HTRA3: variants seen among roughly 807,000 people sequenced by gnomAD.
The protein encoded by HTRA3 is serine protease HTRA3.
A neutral mutation model predicts 43.2 loss-of-function variants in HTRA3; 41 were observed. That is an observed-to-expected ratio of 0.95 (90% confidence interval 0.74 to 1.23). The LOEUF (loss-of-function observed/expected upper bound fraction) is 1.23, where lower values mean the gene tolerates loss of function less well. HTRA3 is among the 50% of genes most tolerant of loss of function. The probability of loss-of-function intolerance (pLI) is 0.00; values close to 1 mark genes in which losing one functional copy is unlikely to be tolerated. For synonymous variants in HTRA3, 295 were observed against 287.9 expected (o/e 1.02, Z -0.25); for missense variants, 628 against 647.1 (o/e 0.97, Z 0.32).
At position 8,286,890 on chromosome 4, in the gene HTRA3, G is replaced by T. The variant is rs77644990; in HGVS notation, c.708+107G>T. 2.4e-6 allele frequency: 2 copies of T among 821,422 alleles called. No individual in the cohort carries two copies. The highest frequency in any genetic ancestry group is 4.8e-5 in the Admixed American group (2 of 41,810). 50.9% of individuals were successfully genotyped at this position (821,422 alleles called of 1,614,324 possible). On this transcript the variant is annotated intron_variant, in intron 3 of 8. Transcript: ENST00000307358. The surrounding 1 kb of genome is among the most constrained non-coding windows in gnomAD (Gnocchi z 4.9). ...AGCTAGCCCCACCTTCCATCAGCCA[G>T]GGGGAGGAAACTGGGCCCAGGGAGG...
At chr4:8,300,491 T>C (rs1439110719) in intron 6 of HTRA3, among the ~76,000 whole-genome samples, 1 of 152,234 alleles carries the variant, frequency 6.6e-6, no homozygotes, top group Non-Finnish European at 1.5e-5. Context: ...TTGCTTCTTT[T>C]GTCTAAGTGA....
rs775489143 is a variant in HTRA3 at position 8,304,167 on chromosome 4, C to G, written c.1101-17C>G. The G allele has an allele frequency of 1.2e-6, 2 of 1,608,450 alleles. No individual in the cohort carries two copies. Among genetic ancestry groups the G allele is most frequent in the East Asian group, 4.5e-5 (2 of 44,870 alleles). On this transcript the variant is annotated splice_polypyrimidine_tract_variant and intron_variant, in intron 7 of 8. Coordinates refer to ENST00000307358, the MANE Select transcript of HTRA3 (RefSeq NM_053044.5). Reference sequence around the variant, plus strand: ...CAAAGGCTCAGGGGAGGGGCCTTGACGGCAGACTCTTTCCAGCCTGGTGGA... The same window carrying G: ...CAAAGGCTCAGGGGAGGGGCCTTGAGGGCAGACTCTTTCCAGCCTGGTGGA...
chr4:8,286,893 G>C lies in HTRA3; in HGVS notation c.708+110G>C. Reference sequence around the variant, plus strand: ...TAGCCCCACCTTCCATCAGCCAGGGGGAGGAAACTGGGCCCAGGGAGGACT... The same window carrying C: ...TAGCCCCACCTTCCATCAGCCAGGGCGAGGAAACTGGGCCCAGGGAGGACT... On this transcript the variant is annotated intron_variant, in intron 3 of 8. Transcript: ENST00000307358. The surrounding 1 kb of genome is among the most constrained non-coding windows in gnomAD (Gnocchi z 4.9). 1.3e-6 allele frequency: 1 copy of C among 787,648 alleles called. No individual in the cohort carries two copies. 48.8% of individuals were successfully genotyped at this position (787,648 alleles called of 1,614,324 possible).
rs2153006606 is a variant in HTRA3 at position 8,295,289 on chromosome 4, G to A, written c.1051+1088G>A. Among the ~76,000 whole-genome samples, 1 of 152,184 alleles carries A rather than the reference G, an allele frequency of 6.6e-6. No homozygotes were observed. Among genetic ancestry groups the A allele is most frequent in the Non-Finnish European group, 1.5e-5 (1 of 67,996 alleles). ...ATGGTAGAATATCCTCTATGCCAGG[G>A]GAGCAGAGTCCAATACCTCGTCTTT... On this transcript the variant is annotated intron_variant, in intron 6 of 8. Transcript: ENST00000307358. This position sits in a 1 kb window ranked among gnomAD's most constrained non-coding sequence, Gnocchi z 6.9.
intron 6 of HTRA3, among the ~76,000 whole-genome samples, chr4:8,299,587 T>C (rs1054529358): frequency 6.6e-6 from 1 of 152,204 alleles, no homozygotes; most frequent in African/African-American, 2.4e-5. Flanking sequence ...TCTTTCACCA[T>C]TAAGTACGGT....
intron 7 of HTRA3, 137 bp downstream of exon 7, chr4:8,302,648 G>T (rs955364631): frequency 2.1e-5 from 16 of 776,136 alleles, no homozygotes; most frequent in Non-Finnish European, 3.2e-5. Flanking sequence ...GCCTCTGACC[G>T]TTGCTCAGGC....
intron 3 of HTRA3, among the ~76,000 whole-genome samples, chr4:8,288,211 A>G (rs937894208): frequency 6.6e-6 from 1 of 152,060 alleles, no homozygotes; most frequent in Non-Finnish European, 1.5e-5. Flanking sequence ...TGGGGGCATC[A>G]CCTCCATTTT....
intron 1 of HTRA3, among the ~76,000 whole-genome samples, chr4:8,280,652 C>G (rs1326360499): frequency 2.0e-5 from 3 of 152,144 alleles, no homozygotes; most frequent in Admixed American, 1.3e-4. Context: ...CAGGCCCTGC[C>G]CCTGGGGTGT....
intron 6 of HTRA3, among the ~76,000 whole-genome samples, chr4:8,298,490 C>G (rs908220933): frequency 6.6e-6 from 1 of 150,534 alleles, no homozygotes; most frequent in South Asian, 2.1e-4. Flanking sequence ...TTTTAAAGAG[C>G]AGAAGTTTTG....
chr4:8,273,574 G>C (rs543633720), intron 1 of HTRA3, among the ~76,000 whole-genome samples: 15 of 131,208 alleles, frequency 1.1e-4, no homozygotes, highest in Non-Finnish European at 1.9e-4. Flanking sequence ...GTCCTCCCCA[G>C]GTGCTGGGAC....
intron 4 of HTRA3, 35 bp downstream of exon 4, chr4:8,291,599 C>T (rs778617831): frequency 1.2e-4 from 178 of 1,467,178 alleles, no homozygotes; most frequent in Non-Finnish European, 1.5e-4. Flanking sequence ...GGGCACCTGC[C>T]ATCTGTGCCC....
chr4:8,272,891 C>G (rs2153003412), intron 1 of HTRA3, among the ~76,000 whole-genome samples: 1 of 152,356 alleles, frequency 6.6e-6, no homozygotes. Flanking sequence ...GCCGTTCACA[C>G]TGTGGGCGGT....
intron 2 of HTRA3, among the ~76,000 whole-genome samples, chr4:8,283,709 G>C (rs1400499838): frequency 6.6e-6 from 1 of 152,244 alleles, no homozygotes; most frequent in African/African-American, 2.4e-5. Context: ...GGCGGACACG[G>C]AGCCGGCAAT....
At chr4:8,304,372 C>A (rs929411896) in intron 8 of HTRA3, 93 bp downstream of exon 8, 1 of 943,412 alleles carries the variant, frequency 1.1e-6, no homozygotes, top group African/African-American at 1.6e-5. Flanking sequence ...CCTTGAGCTT[C>A]CCAGCAAAGT....
At chr4:8,282,632 G>A in intron 2 of HTRA3, 96 bp downstream of exon 2, 1 of 960,892 alleles carries the variant, frequency 1.0e-6, no homozygotes, top group Non-Finnish European at 1.6e-6. Flanking sequence ...CTGCAGCCTG[G>A]GCCACAGAAA....
At chr4:8,276,487 A>G (rs1037855658) in intron 1 of HTRA3, among the ~76,000 whole-genome samples, 2 of 152,252 alleles carry the variant, frequency 1.3e-5, no homozygotes, top group Admixed American at 6.5e-5. Context: ...AGGTGCTGCC[A>G]TGTGCTGGCC....
At chr4:8,280,869 C>A (rs1006627203) in intron 1 of HTRA3, among the ~76,000 whole-genome samples, 4 of 152,144 alleles carry the variant, frequency 2.6e-5, no homozygotes, top group Non-Finnish European at 5.9e-5. Context: ...TCTGGGAGAC[C>A]CAACACCAGA....
intron 3 of HTRA3, among the ~76,000 whole-genome samples, chr4:8,287,361 C>G (rs559141796): frequency 6.6e-6 from 1 of 152,306 alleles, no homozygotes; most frequent in East Asian, 1.9e-4. Context: ...GAGGAAAGGG[C>G]CTGTATGAGT....
chr4:8,281,058 G>C (rs759094655), intron 1 of HTRA3, among the ~76,000 whole-genome samples: 1 of 152,200 alleles, frequency 6.6e-6, no homozygotes, highest in Admixed American at 6.5e-5. Flanking sequence ...CAGAGCCTCA[G>C]TGTCCCCACC....
Sources: gnomAD v4.1 joint callset for allele counts (sites outside exome capture counted in the v4.1 genomes callset) on GRCh38, gnomAD v4.1.1 for gene constraint, Gnocchi (gnomAD v3.1) non-coding constraint, MANE v1.5 for transcripts, NCBI Gene and HGNC (gene_info 2026-07-23, HGNC 2026-07-21) for gene names.